GLDC: variants seen among roughly 807,000 people sequenced by gnomAD.
GLDC encodes glycine dehydrogenase (decarboxylating), mitochondrial.
In GLDC, 104 loss-of-function variants were observed where a neutral mutation model predicts 121.3. That is an observed-to-expected ratio of 0.86 (90% CI 0.73 to 1.01). The LOEUF is 1.01. Ranked by LOEUF, GLDC falls within the 50% of genes least tolerant of loss-of-function variation. The pLI, the probability that GLDC is intolerant of heterozygous loss-of-function variation, is 0.00. For missense variants in GLDC, 1,429 were observed against 1,306.6 expected, an observed-to-expected ratio of 1.09 and a Z score of -1.44; for synonymous variants, 546 against 480.6, an observed-to-expected ratio of 1.14 and a Z score of -1.78.
At position 6,565,347 on chromosome 9, in the gene GLDC, T is replaced by A. The variant is rs1381047073; in HGVS notation, c.1926+7A>T. On this transcript the variant is annotated splice_region_variant and intron_variant, in intron 16 of 24. Coordinates refer to ENST00000321612, the MANE Select transcript of GLDC (RefSeq NM_000170.3). ...GGTGAGCAAGCGCCACCTCCTGCCA[T>A]ACTCACCGTTCTGTGCCCCTCTCCT... 2.5e-6 allele frequency: 4 copies of A among 1,607,348 alleles called. No homozygotes were observed. The South Asian group carries it at 4.4e-5, about 18-fold the overall frequency.
At chr9:6,600,170 C>A (rs1587956592) in intron 8 of GLDC, among the ~76,000 whole-genome samples, 1 of 152,244 alleles carries the variant, frequency 6.6e-6, no homozygotes, top group South Asian at 2.1e-4. Context: ...TTGAGACCAA[C>A]CTGAGCAACA....
At chr9:6,608,379 G>A (rs59447220) in intron 4 of GLDC, among the ~76,000 whole-genome samples, 4,351 of 150,014 alleles carry the variant, frequency 0.029, 204 homozygotes, top group African/African-American at 0.097. Context: ...CCGAGATAGC[G>A]CCAGTGCACT....
intron 2 of GLDC, among the ~76,000 whole-genome samples, chr9:6,632,228 C>G (rs1819398600): frequency 1.3e-5 from 2 of 152,212 alleles, no homozygotes; most frequent in Admixed American, 1.3e-4. Context: ...TCACCCATCA[C>G]AGACTCATGA....
At chr9:6,569,792 A>G (rs1817919961) in intron 15 of GLDC, among the ~76,000 whole-genome samples, 1 of 152,096 alleles carries the variant, frequency 6.6e-6, no homozygotes, top group Non-Finnish European at 1.5e-5. Flanking sequence ...CCTGGCGAAC[A>G]TGGCAAAACC....
chr9:6,609,797 G>C lies in GLDC; in HGVS notation c.635+395C>G, dbSNP rs556082754. 2.5e-4 allele frequency among the ~76,000 whole-genome samples: 38 copies of C among 152,142 alleles called. 1 individual carries two copies. Among genetic ancestry groups the C allele is most frequent in the Admixed American group, 7.9e-4 (12 of 15,282 alleles). On this transcript the variant is annotated intron_variant, in intron 4 of 24. Coordinates refer to ENST00000321612, the MANE Select transcript of GLDC (RefSeq NM_000170.3). The stretch of plus-strand genomic sequence containing the variant: ...CTCACCCTGTCCCCTGAACAACCCT[G>C]CTGGCCCACCCTCGCAGCCCCCAGG...
At chr9:6,546,415 G>T (rs2129689099) in intron 21 of GLDC, among the ~76,000 whole-genome samples, 1 of 149,270 alleles carries the variant, frequency 6.7e-6, no homozygotes, top group Admixed American at 6.7e-5. Context: ...TCCCAGGCTG[G>T]TCTCAGACTC....
At chr9:6,644,859 A>T (rs1819707514) in intron 1 of GLDC, 167 bp from the exon 2 acceptor site, 3 of 663,252 alleles carry the variant, frequency 4.5e-6, no homozygotes, top group Non-Finnish European at 8.0e-6. Context: ...TGGAGGAAAG[A>T]AAATCGTGAA....
chr9:6,555,746 C>T (rs892267452), intron 18 of GLDC, among the ~76,000 whole-genome samples: 7 of 152,058 alleles, frequency 4.6e-5, no homozygotes, highest in East Asian at 3.8e-4. Context: ...GAGCAGACAT[C>T]GCACCACTGC....
intron 15 of GLDC, among the ~76,000 whole-genome samples, chr9:6,586,246 G>C (rs1214613065): frequency 6.6e-6 from 1 of 152,058 alleles, no homozygotes; most frequent in Non-Finnish European, 1.5e-5. Context: ...GGTGAGCCGA[G>C]ATCACGCCAT....
chr9:6,554,285 C>T lies in GLDC; in HGVS notation c.2315+384G>A, dbSNP rs369205407. ...ACATCTAATTCACTTTCAATGGAAC[C>T]ATTAGCTGATTTTAAAAAAGAAAAA... is the stretch of plus-strand genomic sequence containing the variant. On this transcript the variant is annotated intron_variant, in intron 19 of 24. Transcript: ENST00000321612. Among the ~76,000 whole-genome samples, 7 of 152,072 alleles carry T rather than the reference C, an allele frequency of 4.6e-5. No individual in the cohort carries two copies. The East Asian group carries it at 1.4e-3, about 29-fold the overall frequency.
At chr9:6,644,505 C>G in intron 2 of GLDC, 109 bp downstream of exon 2, 1 of 770,300 alleles carries the variant, frequency 1.3e-6, no homozygotes, top group South Asian at 1.4e-5. Flanking sequence ...TTAATCCACA[C>G]ATTCCCAGTC....
chr9:6,556,561 G>A (rs190721980), intron 17 of GLDC, among the ~76,000 whole-genome samples: 5 of 152,340 alleles, frequency 3.3e-5, no homozygotes, highest in Non-Finnish European at 7.3e-5. Flanking sequence ...GGGAGGCCGA[G>A]GCGGGCAGAT....
At chr9:6,552,464 G>T (rs1817536157) in intron 20 of GLDC, among the ~76,000 whole-genome samples, 1 of 152,186 alleles carries the variant, frequency 6.6e-6, no homozygotes, top group Non-Finnish European at 1.5e-5. Context: ...AACAACTTGA[G>T]TATCATTTTT....
chr9:6,588,455 C>T lies in GLDC; in HGVS notation c.1666-13G>A, dbSNP rs1818312506. ...TGGTGCAGGATCCCTTTAAGAAGAACATCCAAAATGTATCACATTAGTGAT... is the reference window on the plus strand; with the variant it reads ...TGGTGCAGGATCCCTTTAAGAAGAATATCCAAAATGTATCACATTAGTGAT... On this transcript the variant is annotated splice_polypyrimidine_tract_variant and intron_variant, in intron 13 of 24. Coordinates refer to ENST00000321612, the MANE Select transcript of GLDC (RefSeq NM_000170.3). 3 of 1,607,302 alleles carry T rather than the reference C, an allele frequency of 1.9e-6. No individual in the cohort carries two copies. The highest frequency in any genetic ancestry group is 1.3e-5 in the African/African-American group (1 of 74,878).
intron 21 of GLDC, among the ~76,000 whole-genome samples, chr9:6,549,820 G>T (rs1817472647): frequency 6.6e-6 from 1 of 152,076 alleles, no homozygotes; most frequent in Admixed American, 6.6e-5. Context: ...CTACCTCTAA[G>T]GCATGTTTCC....
At chr9:6,607,348 C>T (rs565508166) in intron 4 of GLDC, among the ~76,000 whole-genome samples, 4 of 152,144 alleles carry the variant, frequency 2.6e-5, no homozygotes, top group African/African-American at 4.8e-5. Context: ...TACGGGAGGC[C>T]GAGGTGCGTG....
rs566452592 is a variant in GLDC at position 6,584,733 on chromosome 9, GC to G, written c.1850+2407del. 9.2e-5 allele frequency among the ~76,000 whole-genome samples: 14 copies of G among 152,234 alleles called. No homozygotes were observed. The South Asian group carries it at 2.9e-3, about 32-fold the overall frequency. On this transcript the variant is annotated intron_variant, in intron 15 of 24. Transcript: ENST00000321612. ...AAACATCCTTCATTCCTTTATCTAA[GC>G]CTAAACATTGTGCAAAGCCCCTGCC...
intron 16 of GLDC, among the ~76,000 whole-genome samples, chr9:6,560,696 T>C (rs938899939): frequency 2.0e-5 from 3 of 152,146 alleles, no homozygotes; most frequent in African/African-American, 7.2e-5. Context: ...ACCAGGTGAG[T>C]TCTGTTGAAA....
intron 3 of GLDC, among the ~76,000 whole-genome samples, chr9:6,616,505 A>G (rs1483666658): frequency 6.6e-6 from 1 of 152,222 alleles, no homozygotes; most frequent in Non-Finnish European, 1.5e-5. Context: ...ACAATGATCT[A>G]TTAAAGGACA....
Sources: allele counts gnomAD v4.1 joint callset (sites outside exome capture counted in the v4.1 genomes callset), GRCh38; gene constraint gnomAD v4.1.1; transcripts MANE v1.5; gene names NCBI Gene and HGNC (gene_info 2026-07-23, HGNC 2026-07-21).